The following NEGR1 variants were observed in gnomAD, a reference collection of about 807,000 sequenced individuals.
NEGR1 encodes the protein IgLON family member 4.
NEGR1 carries 10 observed loss-of-function variants against 40.9 expected under a neutral mutation model. The observed-to-expected ratio is 0.24, with a 90% CI of 0.15 to 0.42. NEGR1 has a LOEUF of 0.42. Ranked by LOEUF, NEGR1 falls within the 10% of genes least tolerant of loss-of-function variation. The pLI, the probability that NEGR1 is intolerant of heterozygous loss-of-function variation, is 1.00. For missense variants in NEGR1, 352 were observed against 438.9 expected (o/e 0.80, Z 1.77); for synonymous variants, 185 against 166.8 (o/e 1.11, Z -0.84).
chr1:71,749,383 T>G (rs538920396), intron 3 of NEGR1, among the ~76,000 whole-genome samples: 122 of 152,336 alleles, frequency 8.0e-4, no homozygotes, highest in African/African-American at 2.8e-3. Flanking sequence ...TCAGTTGTTA[T>G]TTTTCGTGAG....
rs529240898 is a variant in NEGR1, at chr1:71,910,421, C to T, written c.409+24658G>A. Reference sequence around the variant, plus strand: ...ACCCTCAAAGACAGACGTGATTATTCTCATTTTACAGAGGAGCAAACTAAC... The same window carrying T: ...ACCCTCAAAGACAGACGTGATTATTTTCATTTTACAGAGGAGCAAACTAAC... On this transcript the variant is annotated intron_variant, in intron 2 of 6. Coordinates refer to ENST00000357731, the MANE Select transcript of NEGR1 (RefSeq NM_173808.3). Among the ~76,000 whole-genome samples, 61 of 152,280 alleles carry T rather than the reference C, an allele frequency of 4.0e-4. 1 individual carries two copies. The South Asian group carries it at 0.012, about 31-fold the overall frequency.
chr1:72,208,211 A>G (rs1179587721), intron 1 of NEGR1, among the ~76,000 whole-genome samples: 1 of 151,748 alleles, frequency 6.6e-6, no homozygotes, highest in Non-Finnish European at 1.5e-5. Flanking sequence ...GTGTGTCTTC[A>G]TGTGATTAAA....
intron 6 of NEGR1, among the ~76,000 whole-genome samples, chr1:71,547,368 A>T (rs780106626): frequency 2.6e-5 from 4 of 151,786 alleles, no homozygotes; most frequent in Non-Finnish European, 5.9e-5. Context: ...AAATGAGAGC[A>T]TGTGTATTTT....
intron 1 of NEGR1, among the ~76,000 whole-genome samples, chr1:72,089,257 C>T (rs905251135): frequency 9.9e-5 from 15 of 152,082 alleles, no homozygotes; most frequent in African/African-American, 3.1e-4. Context: ...TATAACAACC[C>T]GAGTTTGAGT....
At chr1:71,418,294 TTTA>T (rs1413607681) in intron 6 of NEGR1, among the ~76,000 whole-genome samples, 8 of 151,212 alleles carry the variant, frequency 5.3e-5, no homozygotes, top group Admixed American at 1.3e-4. Context: ...GTGCCTACTT[TTTA>T]TTATTATTAT....
At chr1:72,174,063 C>T (rs1362915323) in intron 1 of NEGR1, among the ~76,000 whole-genome samples, 6 of 152,238 alleles carry the variant, frequency 3.9e-5, no homozygotes, top group Non-Finnish European at 1.5e-5. Context: ...AATCTTCTAA[C>T]ATGGACATCC....
chr1:72,195,014 T>C (rs911190607), intron 1 of NEGR1, among the ~76,000 whole-genome samples: 10 of 152,054 alleles, frequency 6.6e-5, no homozygotes, highest in Non-Finnish European at 1.3e-4. Context: ...TTCTCCCTCA[T>C]GCATGTGTTT....
intron 3 of NEGR1, among the ~76,000 whole-genome samples, chr1:71,767,063 T>C (rs1424559812): frequency 6.6e-6 from 1 of 152,188 alleles, no homozygotes; most frequent in Non-Finnish European, 1.5e-5. Flanking sequence ...TATTTCTTTA[T>C]AGCAGTGCAA....
intron 4 of NEGR1, among the ~76,000 whole-genome samples, chr1:71,652,372 G>A (rs1651744948): frequency 6.6e-6 from 1 of 151,998 alleles, no homozygotes; most frequent in Non-Finnish European, 1.5e-5. Flanking sequence ...GTTAATTCCA[G>A]TCTTTTTTCT....
intron 1 of NEGR1, among the ~76,000 whole-genome samples, chr1:72,194,324 G>A (rs1403612249): frequency 6.6e-6 from 1 of 151,818 alleles, no homozygotes; most frequent in Non-Finnish European, 1.5e-5. Context: ...TGAAACAAAT[G>A]AGAAGTTTTT....
intron 2 of NEGR1, among the ~76,000 whole-genome samples, chr1:71,811,641 C>T (rs1658005876): frequency 6.6e-6 from 1 of 150,622 alleles, no homozygotes; most frequent in Non-Finnish European, 1.5e-5. Flanking sequence ...TACTCTTTCT[C>T]TCTTCTCTAG....
chr1:71,544,720 CAG>C (rs1456547609), intron 6 of NEGR1, among the ~76,000 whole-genome samples: 4 of 151,598 alleles, frequency 2.6e-5, no homozygotes, highest in Non-Finnish European at 4.4e-5. Context: ...GTTGGTGAGA[CAG>C]GGGAGAGGCA....
intron 6 of NEGR1, among the ~76,000 whole-genome samples, chr1:71,522,199 G>C (rs1299170978): frequency 6.6e-6 from 1 of 151,866 alleles, no homozygotes; most frequent in Non-Finnish European, 1.5e-5. Context: ...TGTATTTTAG[G>C]GTTATATTCT....
intron 1 of NEGR1, among the ~76,000 whole-genome samples, chr1:71,978,926 T>C (rs1246895370): frequency 6.6e-6 from 1 of 151,986 alleles, no homozygotes; most frequent in Admixed American, 6.6e-5. Flanking sequence ...ATTGCACTAG[T>C]CCCAGTAGCA....
chr1:71,818,084 G>A (rs888993538), intron 2 of NEGR1, among the ~76,000 whole-genome samples: 2 of 152,000 alleles, frequency 1.3e-5, no homozygotes, highest in African/African-American at 4.8e-5. Flanking sequence ...CTTATACACT[G>A]GTGATTGGGG....
intron 2 of NEGR1, among the ~76,000 whole-genome samples, chr1:71,803,714 C>G (rs1268332223): frequency 6.6e-6 from 1 of 152,132 alleles, no homozygotes; most frequent in African/African-American, 2.4e-5. Context: ...TTTTACCTTT[C>G]TACCTTCCTT....
At chr1:72,192,775 T>C (rs1206410434) in intron 1 of NEGR1, among the ~76,000 whole-genome samples, 1 of 151,890 alleles carries the variant, frequency 6.6e-6, no homozygotes, top group Admixed American at 6.6e-5. Context: ...TTATGGATTA[T>C]AGAGTTTATC....
In NEGR1 at chr1:72,274,926, C is replaced by G. The variant is rs535378178; in HGVS notation, c.176+7393G>C. On this transcript the variant is annotated intron_variant, in intron 1 of 6. Transcript: ENST00000357731. The stretch of plus-strand genomic sequence containing the variant: ...AAGTCAATCGAAAGTCAGATATCTA[C>G]GTCTGCATGATCTCCTTTGCGCACG... 3 of 1,561,924 alleles carry G rather than the reference C, an allele frequency of 1.9e-6. No individual in the cohort carries two copies. The African/African-American group carries it at 4.1e-5, about 21-fold the overall frequency.
chr1:71,678,488 C>T (rs902040316), intron 4 of NEGR1, among the ~76,000 whole-genome samples: 1 of 151,966 alleles, frequency 6.6e-6, no homozygotes, highest in African/African-American at 2.4e-5. Flanking sequence ...GTGGACACTC[C>T]CCGAGTGATT....
Sources: allele counts gnomAD v4.1 joint callset (sites outside exome capture counted in the v4.1 genomes callset), GRCh38; gene constraint gnomAD v4.1.1; transcripts MANE v1.5; gene names NCBI Gene and HGNC (gene_info 2026-07-23, HGNC 2026-07-21).